Variants in ACSL5 observed in about 807,000 individuals in gnomAD.
ACSL5 encodes long-chain-fatty-acid--CoA ligase 5.
Under a neutral mutation model 84.9 loss-of-function variants are expected in ACSL5, and 50 were observed. The ratio of observed to expected loss-of-function variants is 0.59; its 90% confidence interval spans 0.47 to 0.75. The LOEUF is 0.75. ACSL5 is among the 30% of genes least tolerant of loss of function. ACSL5 has a pLI of 0.00. For synonymous variants in ACSL5, 280 were observed against 300.7 expected (o/e 0.93, Z 0.71); for missense variants, 775 against 830.4 (o/e 0.93, Z 0.82).
At chr10:112,425,939 T>A (rs1414529544) in intron 18 of ACSL5, among the ~76,000 whole-genome samples, 1 of 152,220 alleles carries the variant, frequency 6.6e-6, no homozygotes, top group African/African-American at 2.4e-5. Context: ...AACAACGAAC[T>A]GTTTTATACA....
At chr10:112,420,941 CGAACTCAT>C (rs1844444842) in intron 14 of ACSL5, among the ~76,000 whole-genome samples, 2 of 152,122 alleles carry the variant, frequency 1.3e-5, no homozygotes, top group South Asian at 4.1e-4. Flanking sequence ...AGGCTGGTCT[CGAACTCAT>C]GACCTCAGGT....
intron 17 of ACSL5, among the ~76,000 whole-genome samples, chr10:112,423,710 C>T (rs1034993778): frequency 3.3e-5 from 5 of 152,054 alleles, no homozygotes; most frequent in African/African-American, 1.2e-4. Flanking sequence ...GGCATGGGTC[C>T]CCTGCAATGG....
In ACSL5 at chr10:112,417,770, T is replaced by C. The variant is rs1844352029; in HGVS notation, c.1219-76T>C. On this transcript the variant is annotated intron_variant, in intron 13 of 20. Coordinates refer to ENST00000354655, the MANE Select transcript of ACSL5 (RefSeq NM_203379.2). Reference sequence around the variant, plus strand: ...TCTCATAACAACGCTGCACAGGCTATTATACCCACTCTACAGTGGAGGAAA... The same window carrying C: ...TCTCATAACAACGCTGCACAGGCTACTATACCCACTCTACAGTGGAGGAAA... 2.1e-5 allele frequency: 24 copies of C among 1,151,956 alleles called. No individual in the cohort carries two copies. The South Asian group carries it at 3.0e-4, about 14-fold the overall frequency. The allele number at this position is 1,151,956 out of a possible 1,614,324, so 71.4% of individuals were successfully genotyped here. A position where few individuals can be genotyped will look rare whatever the true frequency, so the allele number is the denominator to read the frequency against.
At chr10:112,423,066 T>C (rs1340599056) in intron 17 of ACSL5, among the ~76,000 whole-genome samples, 7 of 141,800 alleles carry the variant, frequency 4.9e-5, no homozygotes, top group Admixed American at 1.5e-4. Context: ...TGGGCGCCTG[T>C]AGTTCCAGCT....
At position 112,398,809 on chromosome 10, in the gene ACSL5, G is replaced by A. The variant is rs74489875; in HGVS notation, c.157-92G>A. On this transcript the variant is annotated intron_variant, in intron 2 of 20. Transcript: ENST00000354655. Reference sequence around the variant, plus strand: ...AGAACATTCCCGTGACCTCAAAATCGGCATTTATGGTCTCTTTAATTCAAT... The same window carrying A: ...AGAACATTCCCGTGACCTCAAAATCAGCATTTATGGTCTCTTTAATTCAAT... 2,307 of 1,023,650 alleles carry A rather than the reference G, an allele frequency of 2.3e-3. 63 individuals are homozygous for A. The East Asian group carries it at 0.047, about 21-fold the overall frequency. The allele number at this position is 1,023,650 out of a possible 1,614,324, so 63.4% of individuals were successfully genotyped here. A position where few individuals can be genotyped will look rare whatever the true frequency, so the allele number is the denominator to read the frequency against.
At chr10:112,421,811 C>A in intron 15 of ACSL5, 136 bp from the exon 16 acceptor site, 1 of 1,275,214 alleles carries the variant, frequency 7.8e-7, no homozygotes, top group Non-Finnish European at 1.1e-6. Context: ...GCCTGCCTAT[C>A]TTGGCTAGTC....
At chr10:112,395,914 GGTACATCT>G (rs1476519194) in intron 2 of ACSL5, 1 of 152,194 alleles carries the variant, frequency 6.6e-6, no homozygotes, top group Non-Finnish European at 1.5e-5. Context: ...CCCACCTGTG[GGTACATCT>G]GCATGTTCAA....
chr10:112,413,872 G>C (rs1239850837), intron 12 of ACSL5, among the ~76,000 whole-genome samples: 2 of 152,196 alleles, frequency 1.3e-5, no homozygotes, highest in Non-Finnish European at 2.9e-5. Flanking sequence ...ATCTTGGGAA[G>C]TTGTTCCCTT....
chr10:112,418,253 C>G (rs1844363882), intron 14 of ACSL5, among the ~76,000 whole-genome samples: 1 of 152,130 alleles, frequency 6.6e-6, no homozygotes. Context: ...GTTAGGATTG[C>G]CTACCCCCAT....
intron 17 of ACSL5, among the ~76,000 whole-genome samples, chr10:112,424,184 T>G (rs1302285125): frequency 6.6e-6 from 1 of 152,242 alleles, no homozygotes; most frequent in Non-Finnish European, 1.5e-5. Context: ...CAGAGACATA[T>G]TTTTAGCATA....
intron 2 of ACSL5, chr10:112,396,520 T>G (rs1843749522): frequency 6.6e-6 from 1 of 152,206 alleles, no homozygotes; most frequent in South Asian, 2.1e-4. Context: ...CAGATTATAG[T>G]CTACCAAACC....
At chr10:112,393,454 C>G (rs1015638225) in intron 1 of ACSL5, among the ~76,000 whole-genome samples, 15 of 152,158 alleles carry the variant, frequency 9.9e-5, no homozygotes, top group African/African-American at 3.6e-4. Flanking sequence ...TTCCTGCCCC[C>G]ACACAAAATT....
intron 3 of ACSL5, among the ~76,000 whole-genome samples, chr10:112,400,728 A>AT (rs1843864641): frequency 1.3e-5 from 2 of 151,752 alleles, no homozygotes; most frequent in African/African-American, 4.8e-5. Context: ...AATTTTTTTA[A>AT]TTTTTTGTAG....
At chr10:112,415,621 A>G (rs558535535) in intron 12 of ACSL5, among the ~76,000 whole-genome samples, 1 of 152,342 alleles carries the variant, frequency 6.6e-6, no homozygotes, top group East Asian at 1.9e-4. Context: ...AGATTATGAC[A>G]TACTGGTACA....
At position 112,427,447 on chromosome 10, in the gene ACSL5, CTCCT is replaced by C. The variant is rs1844777868; in HGVS notation, c.*90_*93del. The C allele has an allele frequency of 3.8e-6, 5 of 1,332,854 alleles. No individual in the cohort carries two copies. The highest frequency in any genetic ancestry group is 5.0e-6 in the Non-Finnish European group (5 of 998,078). The allele number at this position is 1,332,854 out of a possible 1,614,324, so 82.6% of individuals were successfully genotyped here. A position where few individuals can be genotyped will look rare whatever the true frequency, so the allele number is the denominator to read the frequency against. On this transcript the variant is annotated 3_prime_UTR_variant, in exon 21 of 21. Transcript: ENST00000354655. ...TATTCTTACATTTGTTTTGCCTTTC[CTCCT>C]ATTTTTTTTTAACCTGTTAAACTCT...
chr10:112,413,198 G>C lies in ACSL5; in HGVS notation c.974G>C (p.Arg325Thr), dbSNP rs1376788524. ...VQAVVYSCGARVGFFQGDIRL... is the reference protein window; with the variant it reads ...VQAVVYSCGATVGFFQGDIRL... ...GCTGTTGTGTACAGCTGTGGAGCCA[G>C]AGTTGGATTCTTCCAAGGGGATATT... is the stretch of plus-strand genomic sequence containing the variant. The change falls in exon 12 of 21, where the codon AGA becomes ACA. Residue 325 changes from arginine (R) to threonine (T), a missense_variant. By Grantham distance (71) the Arg-to-Thr change is moderately conservative. Coordinates refer to ENST00000354655, the MANE Select transcript of ACSL5 (RefSeq NM_203379.2). The C allele has an allele frequency of 1.9e-6, 3 of 1,614,222 alleles. No individual in the cohort carries two copies. The highest frequency in any genetic ancestry group is 2.7e-5 in the African/African-American group (2 of 75,068).
At chr10:112,414,298 C>G (rs1409124916) in intron 12 of ACSL5, among the ~76,000 whole-genome samples, 2 of 139,092 alleles carry the variant, frequency 1.4e-5, no homozygotes, top group Non-Finnish European at 3.2e-5. Flanking sequence ...GAGATTTTCT[C>G]TTTGTATTTT....
intron 1 of ACSL5, among the ~76,000 whole-genome samples, chr10:112,387,646 T>C (rs138394982): frequency 8.5e-5 from 13 of 152,344 alleles, no homozygotes; most frequent in South Asian, 8.3e-4. Flanking sequence ...TTATAAGTTG[T>C]AAAGACTTTT....
At chr10:112,380,702 A>C (rs1849333346) in intron 1 of ACSL5, among the ~76,000 whole-genome samples, 1 of 152,176 alleles carries the variant, frequency 6.6e-6, no homozygotes, top group Non-Finnish European at 1.5e-5. Context: ...TGGCAGGCCC[A>C]CTGGTTGGAA....
Sources: allele counts gnomAD v4.1 joint callset (sites outside exome capture counted in the v4.1 genomes callset), GRCh38; gene constraint gnomAD v4.1.1; transcripts MANE v1.5; gene names NCBI Gene and HGNC (gene_info 2026-07-23, HGNC 2026-07-21).